The following NFIB variants were observed in gnomAD, a reference collection of about 807,000 sequenced individuals.
The protein encoded by NFIB is nuclear factor I B, also known as nuclear factor 1 B-type.
In NFIB, 11 loss-of-function variants were observed where a neutral mutation model predicts 61.5. The observed-to-expected ratio is 0.18, with a 90% confidence interval of 0.11 to 0.30. The LOEUF is 0.30. Among genes scored for constraint, NFIB ranks in the 10% least tolerant of loss-of-function variants. The probability of loss-of-function intolerance (pLI) is 1.00; values close to 1 mark genes in which losing one functional copy is unlikely to be tolerated. For synonymous variants in NFIB, 260 were observed against 216.5 expected, an observed-to-expected ratio of 1.20 and a Z score of -1.76; for missense variants, 471 against 608.9, an observed-to-expected ratio of 0.77 and a Z score of 2.38.
At chr9:14,207,107 G>C (rs539296158) in intron 2 of NFIB, among the ~76,000 whole-genome samples, 2 of 152,204 alleles carry the variant, frequency 1.3e-5, no homozygotes, top group South Asian at 2.1e-4. Context: ...CATAGATTTC[G>C]TCCTTGCGAT....
intron 2 of NFIB, among the ~76,000 whole-genome samples, chr9:14,278,555 C>T (rs747103320): frequency 1.3e-5 from 2 of 152,104 alleles, no homozygotes; most frequent in East Asian, 1.9e-4. Flanking sequence ...AGAAAAGAGG[C>T]GAGCCCCTGA....
In NFIB at chr9:14,372,503, T is replaced by C. The variant is rs143217727; in HGVS notation, c.108+26021A>G. On this transcript the variant is annotated intron_variant, in intron 1 of 8. Coordinates refer to the NFIB transcript ENST00000380934. ...AAAGCACTTTGATGTTCTTTTTCTT[T>C]TTTTCATTTTTCATTTAGCTGTGGC... Among the ~76,000 whole-genome samples, 215 of 152,338 alleles carry C rather than the reference T, an allele frequency of 1.4e-3. 3 individuals are homozygous for C. Among genetic ancestry groups the C allele is most frequent in the Non-Finnish European group, 1.6e-3 (111 of 68,034 alleles).
the NFIB span, among the ~76,000 whole-genome samples, chr9:14,489,434 T>G: frequency 6.6e-6 from 1 of 152,210 alleles, no homozygotes; most frequent in Non-Finnish European, 1.5e-5. Flanking sequence ...TTGTACCTTT[T>G]AAACTATAAA....
chr9:14,171,083 G>T (rs1467136774), intron 3 of NFIB, among the ~76,000 whole-genome samples: 1 of 152,182 alleles, frequency 6.6e-6, no homozygotes, highest in East Asian at 1.9e-4. Context: ...AGAGTACTGT[G>T]TTGAAATTAA....
intron 2 of NFIB, among the ~76,000 whole-genome samples, chr9:14,231,253 T>C (rs968438609): frequency 1.3e-5 from 2 of 149,302 alleles, no homozygotes; most frequent in Admixed American, 6.7e-5. Flanking sequence ...AAAGAAAAAC[T>C]ATTTGCTCCT....
chr9:14,280,610 C>G (rs998297233), intron 2 of NFIB, among the ~76,000 whole-genome samples: 1 of 152,160 alleles, frequency 6.6e-6, no homozygotes, highest in African/African-American at 2.4e-5. Flanking sequence ...ATTGACTAGT[C>G]TTCTCCTGTA....
the NFIB span, among the ~76,000 whole-genome samples, chr9:14,477,762 CAGA>C: frequency 6.6e-6 from 1 of 152,310 alleles, no homozygotes; most frequent in Admixed American, 6.5e-5. Flanking sequence ...AGAACGTATT[CAGA>C]AGATGTATAG....
the NFIB span, among the ~76,000 whole-genome samples, chr9:14,480,930 G>C: frequency 4.0e-5 from 6 of 151,736 alleles, no homozygotes; most frequent in Admixed American, 3.9e-4. Flanking sequence ...TCAGATCCAG[G>C]CTTTAAAATT....
the NFIB span, among the ~76,000 whole-genome samples, chr9:14,483,258 G>A: frequency 7.2e-5 from 11 of 152,160 alleles, no homozygotes; most frequent in Admixed American, 7.2e-4. Flanking sequence ...TTGGGAAATT[G>A]GTAAGATGTG....
At chr9:14,257,489 C>T (rs998205695) in intron 2 of NFIB, among the ~76,000 whole-genome samples, 1 of 152,200 alleles carries the variant, frequency 6.6e-6, no homozygotes, top group Non-Finnish European at 1.5e-5. Context: ...GGTGCAGTGG[C>T]TCACACCTGT....
At chr9:14,409,093 A>T in the NFIB span, among the ~76,000 whole-genome samples, 4 of 152,304 alleles carry the variant, frequency 2.6e-5, no homozygotes, top group South Asian at 2.1e-4. Context: ...AGAAGCCCAG[A>T]TTTTTAGTGT....
chr9:14,176,557 A>C (rs963077435), intron 3 of NFIB, among the ~76,000 whole-genome samples: 1 of 152,194 alleles, frequency 6.6e-6, no homozygotes, highest in African/African-American at 2.4e-5. Flanking sequence ...CAAATGACAA[A>C]AAATTACTTA....
intron 2 of NFIB, among the ~76,000 whole-genome samples, chr9:14,235,841 C>T (rs574613841): frequency 2.0e-5 from 3 of 152,116 alleles, no homozygotes; most frequent in East Asian, 1.9e-4. Context: ...ATCAGAAACA[C>T]CACTTATCCC....
intron 2 of NFIB, among the ~76,000 whole-genome samples, chr9:14,288,153 A>T (rs1249103179): frequency 2.0e-5 from 3 of 152,122 alleles, no homozygotes; most frequent in Non-Finnish European, 4.4e-5. Context: ...TTATTGACAC[A>T]TGACAAATAT....
At chr9:14,211,926 T>G (rs2050350738) in intron 2 of NFIB, among the ~76,000 whole-genome samples, 1 of 152,256 alleles carries the variant, frequency 6.6e-6, no homozygotes, top group Non-Finnish European at 1.5e-5. Context: ...TAAAGAATGA[T>G]CTCTCCACTG....
chr9:14,092,750 A>G (rs1237875711), intron 10 of NFIB, among the ~76,000 whole-genome samples: 1 of 152,034 alleles, frequency 6.6e-6, no homozygotes, highest in East Asian at 1.9e-4. Flanking sequence ...CTCCTCTGAA[A>G]CAAATCTAGT....
chr9:14,181,892 T>A (rs1037371500), intron 2 of NFIB, among the ~76,000 whole-genome samples: 4 of 152,212 alleles, frequency 2.6e-5, no homozygotes, highest in African/African-American at 9.6e-5. Context: ...GCAGTCGCCT[T>A]ATTTCAGGAG....
intron 2 of NFIB, among the ~76,000 whole-genome samples, chr9:14,219,602 T>C (rs1160702802): frequency 6.6e-6 from 1 of 152,208 alleles, no homozygotes; most frequent in Admixed American, 6.5e-5. Flanking sequence ...GCTTTACACG[T>C]ATTTTATGGA....
chr9:14,157,828 C>G (rs1193998765), intron 3 of NFIB, among the ~76,000 whole-genome samples: 1 of 152,048 alleles, frequency 6.6e-6, no homozygotes, highest in African/African-American at 2.4e-5. Context: ...ATAGGGTAAA[C>G]TTAATAAAGT....
Sources: allele counts gnomAD v4.1 joint callset (sites outside exome capture counted in the v4.1 genomes callset), GRCh38; gene constraint gnomAD v4.1.1; transcripts MANE v1.5; gene names NCBI Gene and HGNC (gene_info 2026-07-23, HGNC 2026-07-21).